The following AHRR variants were observed in gnomAD, a reference collection of about 807,000 sequenced individuals.
The protein encoded by AHRR is aryl hydrocarbon receptor repressor.
AHRR carries 28 observed loss-of-function variants against 44.0 expected under a neutral mutation model. The observed-to-expected ratio is 0.64, with a 90% confidence interval of 0.47 to 0.87. The LOEUF is 0.87. AHRR is among the 40% of genes least tolerant of loss of function. AHRR has a pLI of 0.00. For missense variants in AHRR, 990 were observed against 953.9 expected, an observed-to-expected ratio of 1.04 and a Z score of -0.50; for synonymous variants, 434 against 407.0, an observed-to-expected ratio of 1.07 and a Z score of -0.80.
At chr5:430,629 G>A (rs561941134) in intron 8 of AHRR, among the ~76,000 whole-genome samples, 13 of 152,362 alleles carry the variant, frequency 8.5e-5, no homozygotes, top group South Asian at 2.1e-4. Flanking sequence ...TCAGATAACC[G>A]TTTAGACAGC....
intron 5 of AHRR, among the ~76,000 whole-genome samples, chr5:415,089 G>C (rs1735663619): frequency 6.6e-6 from 1 of 152,256 alleles, no homozygotes; most frequent in Non-Finnish European, 1.5e-5. Flanking sequence ...GCCAGGGCTG[G>C]TAGGAAACCT....
intron 5 of AHRR, among the ~76,000 whole-genome samples, chr5:417,576 T>C (rs1243752220): frequency 6.6e-6 from 1 of 152,258 alleles, no homozygotes; most frequent in African/African-American, 2.4e-5. Context: ...CCAGAGCCGC[T>C]GCCTTTAGCC....
At chr5:384,511 C>T (rs908394946) in intron 4 of AHRR, among the ~76,000 whole-genome samples, 1 of 152,142 alleles carries the variant, frequency 6.6e-6, no homozygotes, top group African/African-American at 2.4e-5. Flanking sequence ...GCAACCTCCA[C>T]CTCCTGGGTT....
In AHRR at chr5:326,187, C is replaced by T. The variant is rs1741705283; in HGVS notation, c.-11+4368C>T. On this transcript the variant is annotated intron_variant, in intron 1 of 10. Coordinates refer to ENST00000684583, the MANE Select transcript of AHRR (RefSeq NM_001377236.1). This position sits in a 1 kb window ranked among gnomAD's most constrained non-coding sequence, Gnocchi z 4.1. ...GTACATTGACGAAGTTGTGCAGCCA[C>T]TGCCTCTCTCTAGCTCCAAAACCTC... is the stretch of plus-strand genomic sequence containing the variant. 6.6e-6 allele frequency among the ~76,000 whole-genome samples: 1 copy of T among 152,252 alleles called. No homozygotes were observed. Among genetic ancestry groups the T allele is most frequent in the South Asian group, 2.1e-4 (1 of 4,832 alleles).
intron 7 of AHRR, 100 bp from the exon 8 acceptor site, chr5:427,707 C>A: frequency 6.2e-7 from 1 of 1,613,970 alleles, no homozygotes; most frequent in Non-Finnish European, 8.5e-7. Context: ...TGCCTCCCTA[C>A]GAATTCCAGC....
intron 3 of AHRR, among the ~76,000 whole-genome samples, chr5:368,979 G>A (rs1003205184): frequency 6.6e-6 from 1 of 152,218 alleles, no homozygotes; most frequent in African/African-American, 2.4e-5. Context: ...CCCCCGTTTT[G>A]TAAATATCGT....
chr5:343,922 G>T lies in AHRR; in HGVS notation c.20G>T (p.Cys7Phe). The change falls in exon 2 of 11, where the codon TGC becomes TTC. Residue 7 changes from cysteine to phenylalanine, a missense_variant. Cys to Phe is a radical substitution (Grantham distance 205). Transcript: ENST00000684583. ...AGGACGATGATCCCGCCGGGGGAGT[G>T]CACGTACGCGGGCCGGAAGCGGAGG... MIPPGE[C>F]TYAGRKRRRP... 3.1e-6 allele frequency: 5 copies of T among 1,601,150 alleles called. No individual in the cohort carries two copies. The highest frequency in any genetic ancestry group is 3.4e-6 in the Non-Finnish European group (4 of 1,174,556).
intron 4 of AHRR, among the ~76,000 whole-genome samples, chr5:386,889 G>T (rs947566140): frequency 2.6e-5 from 4 of 151,946 alleles, no homozygotes; most frequent in African/African-American, 9.7e-5. Flanking sequence ...ACTTCATCCC[G>T]GACACTTTTC....
At chr5:344,040 G>C (rs369907167) in intron 2 of AHRR, 76 bp downstream of exon 2, 9 of 1,458,756 alleles carry the variant, frequency 6.2e-6, no homozygotes, top group Non-Finnish European at 8.4e-6. Context: ...CCTTGAAAAC[G>C]GAGTTTTAGG....
At chr5:428,070 A>T (rs1187120424) in intron 8 of AHRR, 64 bp downstream of exon 8, 1 of 1,502,050 alleles carries the variant, frequency 6.7e-7, no homozygotes, top group East Asian at 2.3e-5. Flanking sequence ...AAACACCTCC[A>T]CACTCAGTGT....
At chr5:423,448 T>C (rs1736226219) in intron 6 of AHRR, among the ~76,000 whole-genome samples, 2 of 152,188 alleles carry the variant, frequency 1.3e-5, no homozygotes, top group South Asian at 4.1e-4. Context: ...CCCGCGGTCC[T>C]GTGCAGAGGG....
rs1734664758 is a variant in AHRR at position 395,489 on chromosome 5, C to T, written c.352-17855C>T. On this transcript the variant is annotated intron_variant, in intron 4 of 10. Transcript: ENST00000684583. This position sits in a 1 kb window ranked among gnomAD's most constrained non-coding sequence, Gnocchi z 5.3. ...GCTCCAGGACTGGACAGGCAGCTTC[C>T]CAGAGGCCACTGCAGGCCAGGTCAT... 6.6e-6 allele frequency among the ~76,000 whole-genome samples: 1 copy of T among 152,222 alleles called. No homozygotes were observed. Among genetic ancestry groups the T allele is most frequent in the East Asian group, 1.9e-4 (1 of 5,190 alleles).
intron 5 of AHRR, among the ~76,000 whole-genome samples, chr5:417,975 C>A (rs1029497859): frequency 6.6e-6 from 1 of 152,158 alleles, no homozygotes; most frequent in Non-Finnish European, 1.5e-5. Flanking sequence ...CGGCTTTAGG[C>A]GTATATTTTA....
chr5:359,564 C>T (rs904060808), intron 3 of AHRR, among the ~76,000 whole-genome samples: 2 of 152,212 alleles, frequency 1.3e-5, no homozygotes, highest in African/African-American at 2.4e-5. Context: ...GAAGGTGGCA[C>T]AGCCTCACTC....
At chr5:340,680 A>ATTTT (rs1742303476) in intron 1 of AHRR, among the ~76,000 whole-genome samples, 1 of 24,584 alleles carries the variant, frequency 4.1e-5, no homozygotes, top group Non-Finnish European at 7.4e-5. Context: ...ATATATATAT[A>ATTTT]TATATATATT....
intron 1 of AHRR, among the ~76,000 whole-genome samples, chr5:322,932 C>T (rs73023453): frequency 0.096 from 14,656 of 152,340 alleles, 2,280 homozygotes; most frequent in African/African-American, 0.33. Context: ...AATGAACAGA[C>T]ACGAGTTTTA....
In AHRR at chr5:434,483, G is replaced by A. The variant is rs1204151274; in HGVS notation, c.1743G>A (p.Gln581=). The A allele has an allele frequency of 6.2e-7, 1 of 1,613,416 alleles. No homozygotes were observed. Residue 581 remains glutamine (Q), a synonymous_variant, in exon 11 of 11, where the codon CAG becomes CAA. Coordinates refer to ENST00000684583, the MANE Select transcript of AHRR (RefSeq NM_001377236.1). ...HLKTEPDSRQ[Q]VYISHLGHGV... is the part of the protein sequence containing the mutation. ...AAACAGAGCCAGACTCTCGGCAACA[G>A]GTGTACATCTCGCACCTGGGGCACG...
intron 4 of AHRR, among the ~76,000 whole-genome samples, chr5:398,708 T>C (rs1436793526): frequency 3.9e-5 from 6 of 152,148 alleles, no homozygotes; most frequent in African/African-American, 9.7e-5. Context: ...CTGCCGACAC[T>C]GGGAGGAGGC....
At position 423,830 on chromosome 5, in the gene AHRR, A is replaced by G. The variant is rs775306320; in HGVS notation, c.572-11A>G. 34 of 1,592,402 alleles carry G rather than the reference A, an allele frequency of 2.1e-5. No homozygotes were observed. The highest frequency in any genetic ancestry group is 6.8e-5 in the Admixed American group (4 of 58,668). On this transcript the variant is annotated splice_polypyrimidine_tract_variant and intron_variant, in intron 6 of 10. Coordinates refer to ENST00000684583, the MANE Select transcript of AHRR (RefSeq NM_001377236.1). ...CCCACCGCCACGCCCCTTGGCCCCT[A>G]TGGTCTGCAGGAGATGATGCTATCC...
Sources: gnomAD v4.1 joint callset for allele counts (sites outside exome capture counted in the v4.1 genomes callset) on GRCh38, gnomAD v4.1.1 for gene constraint, Gnocchi (gnomAD v3.1) non-coding constraint, MANE v1.5 for transcripts, NCBI Gene and HGNC (gene_info 2026-07-23, HGNC 2026-07-21) for gene names.